Variants in FLRT1 observed in about 807,000 individuals in gnomAD.
The protein encoded by FLRT1 is fibronectin leucine rich transmembrane protein 1.
A neutral mutation model predicts 30.9 loss-of-function variants in FLRT1; 14 were observed. The ratio of observed to expected loss-of-function variants is 0.45; its 90% CI spans 0.30 to 0.71. The LOEUF (loss-of-function observed/expected upper bound fraction) is 0.71, where lower values mean the gene tolerates loss of function less well. FLRT1 is among the 30% of genes least tolerant of loss of function. The probability of loss-of-function intolerance (pLI) is 0.08; values close to 1 mark genes in which losing one functional copy is unlikely to be tolerated. For synonymous variants in FLRT1, 368 were observed against 430.4 expected, an observed-to-expected ratio of 0.85 and a Z score of 1.80; for missense variants, 737 against 949.2, an observed-to-expected ratio of 0.78 and a Z score of 2.94.
chr11:64,060,787 C>G (rs1943885159), intron 1 of FLRT1: 2 of 152,224 alleles, frequency 1.3e-5, no homozygotes, highest in Non-Finnish European at 2.9e-5. Context: ...TTCTACCTCT[C>G]GAATGCCCAG....
chr11:64,109,389 A>G lies in FLRT1; in HGVS notation c.-50+5208A>G, dbSNP rs1248731121. ...CACTCAGCTTCCCTACTGCTCCCCC[A>G]GACCTGGGAAACCCGGGAGGCTGCC... On this transcript the variant is annotated intron_variant, in intron 2 of 2. Coordinates refer to ENST00000682287, the MANE Select transcript of FLRT1 (RefSeq NM_013280.5). 2.6e-5 allele frequency among the ~76,000 whole-genome samples: 4 copies of G among 152,132 alleles called. No homozygotes were observed. In the East Asian group the frequency reaches 7.7e-4, roughly 29 times the overall value.
intron 1 of FLRT1, among the ~76,000 whole-genome samples, chr11:64,071,335 C>T (rs562717472): frequency 4.6e-5 from 7 of 152,196 alleles, no homozygotes; most frequent in Non-Finnish European, 7.4e-5. Context: ...CCCAGACCTG[C>T]GGTCTCAATC....
In FLRT1 at chr11:64,118,155, A is replaced by G. The variant is rs1945029384; in HGVS notation, c.1888A>G (p.Lys630Glu). ...QMLPINPYRA[K>E]EEYVVHTIFP... is the part of the protein sequence containing the mutation. ...GCTGCCCATCAACCCGTACCGCGCCAAAGAAGAGTACGTGGTCCACACTAT... is the reference window on the plus strand; with the variant it reads ...GCTGCCCATCAACCCGTACCGCGCCGAAGAAGAGTACGTGGTCCACACTAT... Residue 630 changes from lysine to glutamate, a missense_variant, in exon 3 of 3, where the codon AAA becomes GAA. By Grantham distance (56) the Lys-to-Glu change is moderately conservative (BLOSUM62 1). Transcript: ENST00000682287. The G allele has an allele frequency of 1.9e-6, 3 of 1,613,676 alleles. No individual in the cohort carries two copies. Among genetic ancestry groups the G allele is most frequent in the Non-Finnish European group, 2.5e-6 (3 of 1,179,992 alleles).
At chr11:64,074,329 G>A (rs865995959) in intron 1 of FLRT1, among the ~76,000 whole-genome samples, 1 of 152,188 alleles carries the variant, frequency 6.6e-6, no homozygotes, top group South Asian at 2.1e-4. Flanking sequence ...CATTCTGCAA[G>A]GTCCCGCTCT....
In FLRT1 at chr11:64,036,422, T is replaced by A. The variant is rs1943381521; in HGVS notation, c.-1038+263T>A. 6.6e-6 allele frequency among the ~76,000 whole-genome samples: 1 copy of A among 151,888 alleles called. No homozygotes were observed. The highest frequency in any genetic ancestry group is 1.5e-5 in the Non-Finnish European group (1 of 67,952). On this transcript the variant is annotated intron_variant, in intron 1 of 2. Coordinates refer to ENST00000682287, the MANE Select transcript of FLRT1 (RefSeq NM_013280.5). The surrounding 1 kb of genome is among the most constrained non-coding windows in gnomAD (Gnocchi z 5.6). Reference sequence around the variant, plus strand: ...CGGGGTGCGCGGCCGGCGGCTCAGCTCTCCCGAGCCGAGGCTGGAAAGGGC... The same window carrying A: ...CGGGGTGCGCGGCCGGCGGCTCAGCACTCCCGAGCCGAGGCTGGAAAGGGC...
At position 64,036,194 on chromosome 11, in the gene FLRT1, C is replaced by T. The variant is rs919393793; in HGVS notation, c.-1038+35C>T. 1.1e-4 allele frequency: 17 copies of T among 152,080 alleles called. No individual in the cohort carries two copies. Among genetic ancestry groups the T allele is most frequent in the African/African-American group, 2.2e-4 (9 of 41,502 alleles). The allele number at this position is 152,080 out of a possible 1,614,324, so 9.4% of individuals were successfully genotyped here. The stretch of plus-strand genomic sequence containing the variant: ...GCTGCACCGGGCGGGGGTCGGGGTC[C>T]GCGCGTCTGGGACAGGGCGCCAGAG... On this transcript the variant is annotated intron_variant, in intron 1 of 2. Transcript: ENST00000682287. The surrounding 1 kb of genome is among the most constrained non-coding windows in gnomAD (Gnocchi z 5.6).
intron 1 of FLRT1, among the ~76,000 whole-genome samples, chr11:64,070,531 A>C (rs1944088040): frequency 6.6e-6 from 1 of 152,178 alleles, no homozygotes; most frequent in Non-Finnish European, 1.5e-5. Flanking sequence ...GCTGCCCGAG[A>C]GCAGAGCTCG....
intron 2 of FLRT1, among the ~76,000 whole-genome samples, chr11:64,110,555 A>AGCCAAGAATAAT (rs201072770): frequency 2.0e-5 from 3 of 152,074 alleles, no homozygotes; most frequent in Non-Finnish European, 4.4e-5. Context: ...CGACTGATAG[A>AGCCAAGAATAAT]GCCAAGAATA....
intron 1 of FLRT1, among the ~76,000 whole-genome samples, chr11:64,058,784 C>T (rs531389185): frequency 6.8e-4 from 104 of 152,324 alleles, no homozygotes; most frequent in Non-Finnish European, 4.7e-4. Flanking sequence ...CCTCTGTCAT[C>T]GGCCAGGGCC....
intron 1 of FLRT1, among the ~76,000 whole-genome samples, chr11:64,061,608 C>T (rs982973691): frequency 6.6e-6 from 1 of 152,210 alleles, no homozygotes; most frequent in Admixed American, 6.5e-5. Flanking sequence ...GGGTCCGAAT[C>T]TGCATGCCTC....
chr11:64,087,233 C>T, intron 1 of FLRT1: 1 of 152,406 alleles, frequency 6.6e-6, no homozygotes, highest in Non-Finnish European at 1.5e-5. Context: ...AGCGCCCCCA[C>T]TGCTCTCCTG....
Position 64,036,433 on chromosome 11 carries a change from G to A in FLRT1, c.-1038+274G>A, listed in dbSNP as rs1349934970. On this transcript the variant is annotated intron_variant, in intron 1 of 2. Transcript: ENST00000682287. The surrounding 1 kb of genome is among the most constrained non-coding windows in gnomAD (Gnocchi z 5.6). ...GCCGGCGGCTCAGCTCTCCCGAGCC[G>A]AGGCTGGAAAGGGCGGGGGCTCAGC... Among the ~76,000 whole-genome samples the A allele has an allele frequency of 1.3e-5, 2 of 152,136 alleles. No homozygotes were observed. The highest frequency in any genetic ancestry group is 2.4e-5 in the African/African-American group (1 of 41,448).
At chr11:64,083,831 G>A (rs1363986564) in intron 1 of FLRT1, among the ~76,000 whole-genome samples, 3 of 152,224 alleles carry the variant, frequency 2.0e-5, no homozygotes, top group Non-Finnish European at 2.9e-5. Context: ...ACAGACCGAC[G>A]GATCTGCCAG....
chr11:64,084,002 G>C lies in FLRT1; in HGVS notation c.-1037-19192G>C, dbSNP rs561069018. On this transcript the variant is annotated intron_variant, in intron 1 of 2. Coordinates refer to ENST00000682287, the MANE Select transcript of FLRT1 (RefSeq NM_013280.5). ...TTTACACAACTGGAACACGTGCTGGGTTCCGGCCTTTCACTGGTCCCTCAG... is the reference window on the plus strand; with the variant it reads ...TTTACACAACTGGAACACGTGCTGGCTTCCGGCCTTTCACTGGTCCCTCAG... Among the ~76,000 whole-genome samples, 3 of 32,738 alleles carry C rather than the reference G, an allele frequency of 9.2e-5. No individual in the cohort carries two copies. In the East Asian group the frequency reaches 1.3e-3, roughly 14 times the overall value. The allele number at this position is 32,738 out of a possible 152,430, so 21.5% of individuals were successfully genotyped here.
At chr11:64,085,566 G>T (rs953090995) in intron 1 of FLRT1, among the ~76,000 whole-genome samples, 1 of 152,158 alleles carries the variant, frequency 6.6e-6, no homozygotes, top group African/African-American at 2.4e-5. Flanking sequence ...GTCCCCTGCC[G>T]CCCGCCCGGG....
In FLRT1 at chr11:64,055,428, C is replaced by T. The variant is rs921587583; in HGVS notation, c.-1038+19269C>T. Among the ~76,000 whole-genome samples, 5 of 152,322 alleles carry T rather than the reference C, an allele frequency of 3.3e-5. No homozygotes were observed. The East Asian group carries it at 5.8e-4, about 18-fold the overall frequency. On this transcript the variant is annotated intron_variant, in intron 1 of 2. Transcript: ENST00000682287. The stretch of plus-strand genomic sequence containing the variant: ...GATGGGTGCTTTGCACAGGCCAGGA[C>T]GGGAGCTAGTGGCAGGGCAGGTAGC...
intron 1 of FLRT1, among the ~76,000 whole-genome samples, chr11:64,055,241 T>G (rs935138242): frequency 3.3e-5 from 5 of 152,176 alleles, no homozygotes. Context: ...GGGCAGCCAG[T>G]AGCTTTGCCT....
rs1945001042 is a variant in FLRT1, at chr11:64,117,140, C to T, written c.873C>T (p.Ala291=). The change falls in exon 3 of 3, where the codon GCC becomes GCT. Residue 291 remains alanine (A), a synonymous_variant. Coordinates refer to ENST00000682287, the MANE Select transcript of FLRT1 (RefSeq NM_013280.5). ...AISHIPYNTL[A]KMRELERLDL... is the part of the protein sequence containing the mutation. ...GCCACATCCCCTACAACACGCTGGC[C>T]AAGATGCGTGAGCTGGAGCGGCTGG... is the stretch of plus-strand genomic sequence containing the variant. 1 of 1,613,576 alleles carries T rather than the reference C, an allele frequency of 6.2e-7. No individual in the cohort carries two copies. The highest frequency in any genetic ancestry group is 2.2e-5 in the East Asian group (1 of 44,850).
intron 1 of FLRT1, among the ~76,000 whole-genome samples, chr11:64,098,970 C>T (rs1237659687): frequency 1.3e-5 from 2 of 152,232 alleles, no homozygotes; most frequent in Admixed American, 6.5e-5. Context: ...GAATTAATAT[C>T]AGAGAGCTCC....
Sources: gnomAD v4.1 joint callset for allele counts (sites outside exome capture counted in the v4.1 genomes callset) on GRCh38, gnomAD v4.1.1 for gene constraint, Gnocchi (gnomAD v3.1) non-coding constraint, MANE v1.5 for transcripts, NCBI Gene and HGNC (gene_info 2026-07-23, HGNC 2026-07-21) for gene names.